The following PHKA2 variants were observed in gnomAD, a reference collection of about 807,000 sequenced individuals.
The protein encoded by PHKA2 is phosphorylase b kinase regulatory subunit alpha, liver isoform.
In PHKA2, 31 loss-of-function variants were observed where a neutral mutation model predicts 102.0. That is an observed-to-expected ratio of 0.30 (90% CI 0.23 to 0.41). PHKA2 has a LOEUF of 0.41. Among genes scored for constraint, PHKA2 ranks in the 10% least tolerant of loss-of-function variants. PHKA2 has a pLI of 1.00. For synonymous variants in PHKA2, 455 were observed against 416.2 expected (o/e 1.09, Z -1.13); for missense variants, 858 against 1,023.1 (o/e 0.84, Z 2.20).
chrX:18,939,977 A>T lies in PHKA2; in HGVS notation c.918+18T>A. 6.4e-6 allele frequency: 7 copies of T among 1,100,004 alleles called. No homozygotes were observed. The highest frequency in any genetic ancestry group is 7.6e-6 in the Non-Finnish European group (6 of 793,399). 90.7% of individuals were successfully genotyped at this position (1,100,004 alleles called of 1,213,427 possible). On this transcript the variant is annotated intron_variant, in intron 9 of 32. Transcript: ENST00000379942. ...TGAAACAGTTGAGGAAAGATAAGAA[A>T]CAATATTTAAATACAACCTCTCTTG...
In PHKA2 at chrX:18,924,512, T is replaced by C. The variant is rs766788747; in HGVS notation, c.1583A>G (p.His528Arg). The part of the protein sequence containing the change: ...FTFTPQFTDQ[H>R]HFYLALDNEM... Reference sequence around the variant, plus strand: ...ATTGTCGAGGGCCAGGTAGAAGTGATGCTGGTCGGTGAACTGAAAGTCAGA... The same window carrying C: ...ATTGTCGAGGGCCAGGTAGAAGTGACGCTGGTCGGTGAACTGAAAGTCAGA... The change falls in exon 16 of 33, where the codon CAT becomes CGT. Residue 528 changes from histidine (H) to arginine (R), a missense_variant. His to Arg is a conservative substitution (Grantham distance 29). Transcript: ENST00000379942. 5 of 1,209,238 alleles carry C rather than the reference T, an allele frequency of 4.1e-6. No individual in the cohort carries two copies. The highest frequency in any genetic ancestry group is 2.2e-6 in the Non-Finnish European group (2 of 894,716).
rs1338685455 is a variant in PHKA2 at position 18,907,945 on chromosome X, G to A, written c.2472C>T (p.Arg824=). 2 of 1,211,481 alleles carry A rather than the reference G, an allele frequency of 1.7e-6. No homozygotes were observed. The highest frequency in any genetic ancestry group is 2.2e-6 in the Non-Finnish European group (2 of 895,231). ...TCTTCCTGAGAAGGCCTGAGATGTAGCGAATCAGACCCCACTCCTGGTTCA... is the reference window on the plus strand; with the variant it reads ...TCTTCCTGAGAAGGCCTGAGATGTAACGAATCAGACCCCACTCCTGGTTCA... ...AGLNQEWGLI[R]YISGLLRKKV... is the part of the protein sequence containing the mutation. The change falls in exon 22 of 33, where the codon CGC becomes CGT. Residue 824 remains arginine, a synonymous_variant. Coordinates refer to ENST00000379942, the MANE Select transcript of PHKA2 (RefSeq NM_000292.3).
rs111849180 is a variant in PHKA2 at position 18,896,448 on chromosome X, C to T, written c.3282+715G>A. On this transcript the variant is annotated intron_variant, in intron 30 of 32. Coordinates refer to ENST00000379942, the MANE Select transcript of PHKA2 (RefSeq NM_000292.3). ...TGAACGGCCCCAGGCAGATGGGAAG[C>T]GCAACAGCCGGCTGGCTGAGGGGAG... 4.7e-3 allele frequency: 536 copies of T among 113,585 alleles called. 5 individuals are homozygous for T. The highest frequency in any genetic ancestry group is 0.016 in the African/African-American group (500 of 30,909). 9.4% of individuals were successfully genotyped at this position (113,585 alleles called of 1,213,427 possible). A position where few individuals can be genotyped will look rare whatever the true frequency, so the allele number is the denominator to read the frequency against.
chrX:18,963,718 G>A (rs968179462), intron 1 of PHKA2, among the ~76,000 whole-genome samples: 6 of 112,093 alleles, frequency 5.4e-5, no homozygotes, highest in Non-Finnish European at 1.1e-4. Flanking sequence ...ACATGGAAGA[G>A]TGAGGCAATA....
chrX:18,906,840 T>C (rs749753174), intron 23 of PHKA2, 26 bp from the exon 24 acceptor site: 6 of 1,149,689 alleles, frequency 5.2e-6, no homozygotes, highest in Non-Finnish European at 2.4e-6. Context: ...GTGTCACGAA[T>C]GTGATGAGGT....
chrX:18,911,108 C>T (rs1224518666), intron 19 of PHKA2, 148 bp from the exon 20 acceptor site: 6 of 355,068 alleles, frequency 1.7e-5, no homozygotes, highest in African/African-American at 1.1e-4. Context: ...CGGGTTCAAG[C>T]GATTCTCCTG....
At chrX:18,918,951 G>A (rs1337509519) in intron 18 of PHKA2, 97 bp from the exon 19 acceptor site, 2 of 719,212 alleles carry the variant, frequency 2.8e-6, no homozygotes, top group African/African-American at 4.2e-5. Flanking sequence ...CACTGAGTAG[G>A]CTTAGCAGAT....
chrX:18,901,402 G>A (rs2047678403), intron 27 of PHKA2, 83 bp downstream of exon 27: 3 of 613,766 alleles, frequency 4.9e-6, no homozygotes, highest in Non-Finnish European at 5.7e-6. Context: ...GCAGCCTCAT[G>A]CCCTAGGTTT....
intron 11 of PHKA2, among the ~76,000 whole-genome samples, chrX:18,933,469 C>T (rs1486494232): frequency 8.9e-6 from 1 of 112,885 alleles, no homozygotes; most frequent in African/African-American, 3.2e-5. Flanking sequence ...TCCATGTTTG[C>T]GGGGACACTT....
Position 18,899,214 on chromosome X carries a change from C to T in PHKA2, c.3070G>A (p.Gly1024Ser), listed in dbSNP as rs777635235. The change falls in exon 29 of 33, where the codon GGC (glycine) becomes AGC (serine). Residue 1024 changes from glycine (G) to serine (S), a missense_variant. Gly to Ser is a moderately conservative substitution (Grantham distance 56). Coordinates refer to ENST00000379942, the MANE Select transcript of PHKA2 (RefSeq NM_000292.3). ...FSADEQFFSV[G>S]QAASSSAHSS... The stretch of plus-strand genomic sequence containing the variant: ...TGCGCACTGCTGGACGCGGCCTGGC[C>T]CACAGAAAAGAACTACAAAACAAAA... 8.3e-7 allele frequency: 1 copy of T among 1,209,031 alleles called. No homozygotes were observed. Among genetic ancestry groups the T allele is most frequent in the Non-Finnish European group, 1.1e-6 (1 of 893,259 alleles).
At chrX:18,902,283 G>A (rs1368068773) in intron 26 of PHKA2, among the ~76,000 whole-genome samples, 2 of 109,428 alleles carry the variant, frequency 1.8e-5, no homozygotes, top group African/African-American at 6.6e-5. Context: ...CCACAGGTGT[G>A]CGCCACCATA....
chrX:18,961,200 T>C (rs1170282838), intron 1 of PHKA2, among the ~76,000 whole-genome samples: 1 of 112,337 alleles, frequency 8.9e-6, no homozygotes, highest in Non-Finnish European at 1.9e-5. Flanking sequence ...GGTCCTGGCC[T>C]AGTTAGGTAC....
At chrX:18,912,519 C>G in intron 19 of PHKA2, among the ~76,000 whole-genome samples, 1 of 110,115 alleles carries the variant, frequency 9.1e-6, no homozygotes. Context: ...GTAATCCCAG[C>G]ACTTTGGGAG....
At chrX:18,972,177 T>A (rs1373832674) in intron 1 of PHKA2, among the ~76,000 whole-genome samples, 1 of 112,563 alleles carries the variant, frequency 8.9e-6, no homozygotes, top group Non-Finnish European at 1.9e-5. Flanking sequence ...TTTCTTTTTA[T>A]CCATATGGAC....
At chrX:18,894,462 C>G (rs143350526) in intron 31 of PHKA2, 58 bp from the exon 32 acceptor site, 19 of 1,018,498 alleles carry the variant, frequency 1.9e-5, no homozygotes, top group Non-Finnish European at 2.5e-5. Flanking sequence ...CCCTATCAAT[C>G]AATCACCGAG....
At chrX:18,918,543 G>C (rs1193916046) in intron 19 of PHKA2, 138 bp downstream of exon 19, 4 of 538,719 alleles carry the variant, frequency 7.4e-6, no homozygotes, top group Non-Finnish European at 1.3e-5. Context: ...TAAAAGAGTT[G>C]AAAGTGGTTA....
Position 18,905,825 on chromosome X carries a change from G to A in PHKA2, c.2841C>T (p.Ser947=), listed in dbSNP as rs777058131. 1.7e-6 allele frequency: 2 copies of A among 1,204,332 alleles called. No individual in the cohort carries two copies. The highest frequency in any genetic ancestry group is 2.2e-6 in the Non-Finnish European group (2 of 889,922). ...GCAGGAGATTTTTCATATCGAAAGGGCTGAGGTTCATCAAACTTTCAGAAG... is the reference window on the plus strand; with the variant it reads ...GCAGGAGATTTTTCATATCGAAAGGACTGAGGTTCATCAAACTTTCAGAAG... The part of the protein sequence containing the change: ...EEASESLMNL[S]PFDMKNLLHH... Residue 947 remains serine (S), a synonymous_variant, in exon 26 of 33, where the codon AGC becomes AGT. Transcript: ENST00000379942.
chrX:18,925,043 A>G (rs2048188612), intron 15 of PHKA2, among the ~76,000 whole-genome samples: 1 of 111,933 alleles, frequency 8.9e-6, no homozygotes, highest in African/African-American at 3.2e-5. Context: ...ATTTGCTACT[A>G]AGGGAAATAG....
intron 19 of PHKA2, among the ~76,000 whole-genome samples, chrX:18,911,789 C>T (rs2047933369): frequency 8.9e-6 from 1 of 112,478 alleles, no homozygotes. Context: ...TTCGCTTTTC[C>T]CTCCTGGAAT....
Sources: gnomAD v4.1 joint callset for allele counts (sites outside exome capture counted in the v4.1 genomes callset) on GRCh38, gnomAD v4.1.1 for gene constraint, MANE v1.5 for transcripts, NCBI Gene and HGNC (gene_info 2026-07-23, HGNC 2026-07-21) for gene names.